NBPF20: variants seen among roughly 807,000 people sequenced by gnomAD.
NBPF20 encodes the protein NBPF family member NBPF20.
In NBPF20, 90 loss-of-function variants were observed where a neutral mutation model predicts 68.1. That is an observed-to-expected ratio of 1.32 (90% CI 1.11 to 1.58). The LOEUF is 1.58. NBPF20 is among the 40% of genes most tolerant of loss of function. The pLI is 0.00. For synonymous variants in NBPF20, 290 were observed against 228.1 expected, an observed-to-expected ratio of 1.27 and a Z score of -2.45; for missense variants, 816 against 601.2, an observed-to-expected ratio of 1.36 and a Z score of -3.74.
exon 1 of NBPF20, chr1:145,405,439 G>A (rs1662734566): frequency 8.3e-6 from 13 of 1,572,966 alleles, no homozygotes; most frequent in Non-Finnish European, 4.3e-6. Flanking sequence ...ACTCCCCACA[G>A]CACTTTAGGA....
At chr1:145,410,673 T>A in the NBPF20 span, among the ~76,000 whole-genome samples, 1 of 149,262 alleles carries the variant, frequency 6.7e-6, no homozygotes, top group Non-Finnish European at 1.5e-5. Flanking sequence ...ATGTGCTGTT[T>A]ATCTTATCAG....
At position 145,291,586 on chromosome 1, in the gene NBPF20, A is replaced by G. The variant is rs370020654; in HGVS notation, c.16881T>C (p.Phe5627=). 6.8e-6 allele frequency: 11 copies of G among 1,611,986 alleles called. No individual in the cohort carries two copies. In the South Asian group the frequency reaches 1.1e-4, roughly 16 times the overall value. ...GGTGGAGACTTGTCACCGTCAAAGT[A>G]AAAAACCTATTGTCCACGTAAAGGG... The change falls in exon 138 of 138, where the codon TTT becomes TTC. Residue 5627 remains phenylalanine (F), a synonymous_variant. Coordinates refer to ENST00000369373, the Ensembl canonical transcript of NBPF20.
At chr1:145,409,664 T>A (rs1423756962), upstream of NBPF20, among the ~76,000 whole-genome samples, 5 of 150,260 alleles carry the variant, frequency 3.3e-5, no homozygotes, top group Non-Finnish European at 7.4e-5. Context: ...CCTCTGTGAT[T>A]TAGCAGGAGA....
upstream of NBPF20, among the ~76,000 whole-genome samples, chr1:145,407,007 AC>A (rs1662817596): frequency 1.9e-5 from 2 of 104,850 alleles, no homozygotes; most frequent in Non-Finnish European, 3.7e-5. Flanking sequence ...TTTTTCCTTT[AC>A]AAGGTTTCTA....
the NBPF20 span, among the ~76,000 whole-genome samples, chr1:145,417,573 A>G: frequency 2.0e-5 from 3 of 149,186 alleles, 1 homozygote; most frequent in East Asian, 5.8e-4. Flanking sequence ...TGATGGAAAA[A>G]CTGCTGCCAA....
exon 138 of NBPF20, chr1:145,290,167 T>C (rs1553656937): frequency 6.8e-6 from 1 of 147,872 alleles, no homozygotes; most frequent in African/African-American, 2.5e-5. Flanking sequence ...GATATGAATA[T>C]AATAATAGAC....
Position 145,393,789 on chromosome 1 carries a change from A to G in NBPF20, c.1043+95T>C, listed in dbSNP as rs1229664806. Reference sequence around the variant, plus strand: ...GCATAATTCAGACTTGTCTGACAAGACAAAATCATTATTTTCAGCATGTAC... The same window carrying G: ...GCATAATTCAGACTTGTCTGACAAGGCAAAATCATTATTTTCAGCATGTAC... On this transcript the variant is annotated intron_variant, in intron 9 of 137. Transcript: ENST00000369373. 3.7e-4 allele frequency: 509 copies of G among 1,364,426 alleles called. 4 individuals carry two copies. Among genetic ancestry groups the G allele is most frequent in the Non-Finnish European group, 6.6e-5 (64 of 967,704 alleles). 84.5% of individuals were successfully genotyped at this position (1,364,426 alleles called of 1,614,324 possible).
chr1:145,406,067 C>T (rs587748285), upstream of NBPF20, among the ~76,000 whole-genome samples: 7,117 of 149,774 alleles, frequency 0.048, 588 homozygotes, highest in African/African-American at 0.17. Context: ...TACAGGCACC[C>T]GCCACCACGC....
chr1:145,312,460 G>A, intron 111 of NBPF20, 80 bp from the exon 117 acceptor site: 16 of 22,738 alleles, frequency 7.0e-4, no homozygotes, highest in South Asian at 2.5e-3. Context: ...CATGGCTAAC[G>A]TAAGGAAGAG....
At chr1:145,395,007 T>C in exon 8 of NBPF20, 1 of 1,611,888 alleles carries the variant, frequency 6.2e-7, no homozygotes, top group East Asian at 2.2e-5. Flanking sequence ...GCAGACTTGC[T>C]GTTCCTCTAA....
At chr1:145,413,555 G>C in the NBPF20 span, among the ~76,000 whole-genome samples, 155 of 152,140 alleles carry the variant, frequency 1.0e-3, no homozygotes, top group Middle Eastern at 3.4e-3. Flanking sequence ...ATACGCAAAA[G>C]AGTGTGAGAA....
At chr1:145,400,850 C>A (rs1462281678) in intron 5 of NBPF20, among the ~76,000 whole-genome samples, 25 of 152,040 alleles carry the variant, frequency 1.6e-4, no homozygotes, top group Admixed American at 3.3e-4. Flanking sequence ...GAAGACTCAG[C>A]TATCCCTGTA....
At chr1:145,424,590 C>A in the NBPF20 span, among the ~76,000 whole-genome samples, 1 of 152,204 alleles carries the variant, frequency 6.6e-6, no homozygotes, top group East Asian at 1.9e-4. Context: ...CAAGAAAAGA[C>A]TTCTTTTCGA....
chr1:145,419,532 C>A, the NBPF20 span, among the ~76,000 whole-genome samples: 1 of 152,154 alleles, frequency 6.6e-6, no homozygotes, highest in Non-Finnish European at 1.5e-5. Context: ...AGGCCGCAAC[C>A]TTTCCTGCTG....
intron 5 of NBPF20, 22 bp downstream of exon 10, chr1:145,401,037 G>A (rs1443124489): frequency 1.8e-5 from 29 of 1,579,828 alleles, no homozygotes; most frequent in Non-Finnish European, 2.3e-5. Context: ...TCCATTAATT[G>A]TTCCTGAGTA....
the NBPF20 span, among the ~76,000 whole-genome samples, chr1:145,419,607 G>A: frequency 7.4e-4 from 113 of 152,146 alleles, no homozygotes; most frequent in Non-Finnish European, 1.3e-3. Flanking sequence ...GTCTGACATC[G>A]TCCATTTGTC....
the NBPF20 span, among the ~76,000 whole-genome samples, chr1:145,424,430 A>T: frequency 6.6e-6 from 1 of 152,232 alleles, no homozygotes. Flanking sequence ...AATAAAATTT[A>T]AAAACAAAAA....
chr1:145,402,824 C>T (rs1662588424), intron 3 of NBPF20, among the ~76,000 whole-genome samples: 1 of 150,182 alleles, frequency 6.7e-6, no homozygotes, highest in South Asian at 2.2e-4. Flanking sequence ...GTCGAGAAGG[C>T]AACATTGATT....
chr1:145,378,219 A>T, intron 28 of NBPF20, 125 bp from the exon 34 acceptor site: 1 of 58,502 alleles, frequency 1.7e-5, no homozygotes, highest in South Asian at 1.0e-4. Flanking sequence ...ACTGTGAGAG[A>T]TAGTCTTCAG....
Sources: gnomAD v4.1 joint callset for allele counts (sites outside exome capture counted in the v4.1 genomes callset) on GRCh38, gnomAD v4.1.1 for gene constraint, MANE v1.5 for transcripts, NCBI Gene and HGNC (gene_info 2026-07-23, HGNC 2026-07-21) for gene names.